The following CNTNAP5 variants were observed in gnomAD, a reference collection of about 807,000 sequenced individuals.
CNTNAP5 encodes contactin associated protein family member 5.
Under a neutral mutation model 150.2 loss-of-function variants are expected in CNTNAP5, and 72 were observed. The ratio of observed to expected loss-of-function variants is 0.48; its 90% confidence interval spans 0.40 to 0.58. The LOEUF (loss-of-function observed/expected upper bound fraction) is 0.58. Among genes scored for constraint, CNTNAP5 ranks in the 20% least tolerant of loss-of-function variants. CNTNAP5 has a pLI of 0.00. For missense variants in CNTNAP5, 1,636 were observed against 1,626.2 expected (o/e 1.01, Z -0.10); for synonymous variants, 672 against 619.8 (o/e 1.08, Z -1.25).
chr2:124,497,979 G>A (rs1694190906), intron 7 of CNTNAP5, among the ~76,000 whole-genome samples: 1 of 152,184 alleles, frequency 6.6e-6, no homozygotes, highest in Non-Finnish European at 1.5e-5. Context: ...AAGTCTTGAG[G>A]AAGTAAACCT....
intron 11 of CNTNAP5, among the ~76,000 whole-genome samples, chr2:124,605,327 A>G (rs1249373271): frequency 1.3e-5 from 2 of 152,214 alleles, no homozygotes; most frequent in Admixed American, 6.5e-5. Context: ...TGCACTGAGG[A>G]TATAGATGAT....
chr2:124,127,971 A>G (rs1683751327), intron 1 of CNTNAP5, among the ~76,000 whole-genome samples: 2 of 152,238 alleles, frequency 1.3e-5, no homozygotes, highest in African/African-American at 4.8e-5. Flanking sequence ...AAGAAAACCT[A>G]GGCAATACCA....
At chr2:124,819,153 T>A (rs1682432334) in intron 19 of CNTNAP5, among the ~76,000 whole-genome samples, 1 of 152,084 alleles carries the variant, frequency 6.6e-6, no homozygotes, top group Admixed American at 6.5e-5. Flanking sequence ...TTCATCAGCT[T>A]GTTATCTGGA....
chr2:124,075,024 T>C (rs1170694200), intron 1 of CNTNAP5, among the ~76,000 whole-genome samples: 2 of 152,086 alleles, frequency 1.3e-5, no homozygotes, highest in African/African-American at 4.8e-5. Flanking sequence ...AAAAGTGCAG[T>C]TTTCTGTGAC....
chr2:124,878,709 T>A (rs1022031243), intron 21 of CNTNAP5, among the ~76,000 whole-genome samples: 1 of 151,746 alleles, frequency 6.6e-6, no homozygotes, highest in Non-Finnish European at 1.5e-5. Context: ...TTCTTTTTTT[T>A]TTTTGGAGAT....
intron 10 of CNTNAP5, among the ~76,000 whole-genome samples, chr2:124,537,235 C>T (rs1175102139): frequency 2.0e-5 from 3 of 152,106 alleles, no homozygotes; most frequent in Non-Finnish European, 4.4e-5. Flanking sequence ...AGAGATTAGG[C>T]CTGTCCTGGC....
intron 1 of CNTNAP5, among the ~76,000 whole-genome samples, chr2:124,124,969 G>A (rs981140395): frequency 2.0e-5 from 3 of 152,182 alleles, no homozygotes; most frequent in African/African-American, 7.2e-5. Context: ...ATGCCAAATT[G>A]TAAAGACCAT....
At chr2:124,222,125 A>G (rs1235754694) in intron 2 of CNTNAP5, among the ~76,000 whole-genome samples, 1 of 152,110 alleles carries the variant, frequency 6.6e-6, no homozygotes, top group Admixed American at 6.6e-5. Flanking sequence ...TAGATATAAA[A>G]CATGTTTTAT....
chr2:124,277,319 C>T (rs1687906397), intron 3 of CNTNAP5, among the ~76,000 whole-genome samples: 1 of 152,122 alleles, frequency 6.6e-6, no homozygotes. Flanking sequence ...CCCTTTTTGG[C>T]CTTGGGCAAG....
At chr2:124,336,998 A>C (rs1296300499) in intron 3 of CNTNAP5, among the ~76,000 whole-genome samples, 1 of 152,166 alleles carries the variant, frequency 6.6e-6, no homozygotes, top group Non-Finnish European at 1.5e-5. Flanking sequence ...CCAACAGTGT[A>C]AAAGTGTTCC....
rs574167852 is a variant in CNTNAP5, at chr2:124,792,768, G to A, written c.2992+2627G>A. Among the ~76,000 whole-genome samples the A allele has an allele frequency of 2.1e-4, 32 of 152,194 alleles. No individual in the cohort carries two copies. In the South Asian group the frequency reaches 6.4e-3, roughly 31 times the overall value. ...CCATCCTGAGCCTTTCATATAAATA[G>A]AACCATATAGTATGTGATCTTTTTG... On this transcript the variant is annotated intron_variant, in intron 18 of 23. Transcript: ENST00000682447.
At chr2:124,787,382 T>C (rs370443098) in intron 17 of CNTNAP5, among the ~76,000 whole-genome samples, 1 of 152,328 alleles carries the variant, frequency 6.6e-6, no homozygotes, top group East Asian at 1.9e-4. Flanking sequence ...GAGATTTACT[T>C]ACCAAAATTG....
At chr2:124,147,648 G>T (rs1222622108) in intron 1 of CNTNAP5, among the ~76,000 whole-genome samples, 2 of 152,192 alleles carry the variant, frequency 1.3e-5, no homozygotes, top group Non-Finnish European at 2.9e-5. Flanking sequence ...CAGCGCTACA[G>T]CTCTGGAGTG....
chr2:124,297,831 A>AT (rs1256799988), intron 3 of CNTNAP5, among the ~76,000 whole-genome samples: 3 of 94,450 alleles, frequency 3.2e-5, no homozygotes, highest in African/African-American at 7.2e-5. Flanking sequence ...TATTATTATT[A>AT]TTATTATTAT....
At chr2:124,407,055 A>C (rs1249192714) in intron 3 of CNTNAP5, among the ~76,000 whole-genome samples, 2 of 152,194 alleles carry the variant, frequency 1.3e-5, no homozygotes, top group Non-Finnish European at 2.9e-5. Context: ...TGGCTGAATA[A>C]TACATATACT....
intron 3 of CNTNAP5, among the ~76,000 whole-genome samples, chr2:124,287,077 A>C (rs1688173384): frequency 6.6e-6 from 1 of 152,168 alleles, no homozygotes; most frequent in Non-Finnish European, 1.5e-5. Flanking sequence ...CAGCAGCCAC[A>C]GTCTGACTCC....
chr2:124,573,303 T>C (rs961271437), intron 11 of CNTNAP5, among the ~76,000 whole-genome samples: 4 of 152,206 alleles, frequency 2.6e-5, no homozygotes, highest in Admixed American at 2.0e-4. Flanking sequence ...ATTTGAGAGT[T>C]TCCCTCAGTC....
intron 1 of CNTNAP5, among the ~76,000 whole-genome samples, chr2:124,120,630 C>T (rs138298226): frequency 1.2e-3 from 186 of 152,198 alleles, no homozygotes; most frequent in African/African-American, 4.1e-3. Flanking sequence ...AACCAAACCA[C>T]GTAAGGACAG....
At chr2:124,340,584 A>G (rs1009147354) in intron 3 of CNTNAP5, among the ~76,000 whole-genome samples, 1 of 151,912 alleles carries the variant, frequency 6.6e-6, no homozygotes, top group Non-Finnish European at 1.5e-5. Context: ...TAAAGATTGT[A>G]CTATTATTCA....
Sources: allele counts gnomAD v4.1 joint callset (sites outside exome capture counted in the v4.1 genomes callset), GRCh38; gene constraint gnomAD v4.1.1; transcripts MANE v1.5; gene names NCBI Gene and HGNC (gene_info 2026-07-23, HGNC 2026-07-21).